Variants in PKN2 observed in about 807,000 individuals in gnomAD.
PKN2 encodes serine/threonine-protein kinase N2.
Under a neutral mutation model 119.1 loss-of-function variants are expected in PKN2, and 38 were observed. The observed-to-expected ratio is 0.32, with a 90% CI of 0.25 to 0.42. The LOEUF is 0.42. PKN2 is among the 10% of genes least tolerant of loss of function. PKN2 has a pLI of 1.00. For synonymous variants in PKN2, 390 were observed against 384.9 expected, an observed-to-expected ratio of 1.01 and a Z score of -0.15; for missense variants, 850 against 1,165.1, an observed-to-expected ratio of 0.73 and a Z score of 3.94.
At chr1:88,748,329 G>T (rs371197111) in intron 2 of PKN2, among the ~76,000 whole-genome samples, 2 of 152,090 alleles carry the variant, frequency 1.3e-5, no homozygotes, top group Non-Finnish European at 2.9e-5. Context: ...AGAATGCCAT[G>T]TACATAGAAT....
chr1:88,737,277 A>G (rs185331355), intron 1 of PKN2, among the ~76,000 whole-genome samples: 15 of 152,218 alleles, frequency 9.9e-5, no homozygotes, highest in Middle Eastern at 3.4e-3. Flanking sequence ...CCCTGAGTCT[A>G]TTCCACTGAG....
intron 1 of PKN2, among the ~76,000 whole-genome samples, chr1:88,717,837 T>G (rs920945916): frequency 1.3e-5 from 2 of 152,114 alleles, no homozygotes; most frequent in African/African-American, 4.8e-5. Flanking sequence ...TGTTCTCTTG[T>G]TGGCAAGGAG....
chr1:88,733,113 C>A (rs548888813), intron 1 of PKN2, among the ~76,000 whole-genome samples: 4 of 152,262 alleles, frequency 2.6e-5, no homozygotes, highest in Admixed American at 2.6e-4. Flanking sequence ...AGGTTGATTC[C>A]ATATCTTGGC....
intron 1 of PKN2, among the ~76,000 whole-genome samples, chr1:88,692,155 A>G (rs988981554): frequency 2.0e-5 from 3 of 152,086 alleles, no homozygotes; most frequent in Admixed American, 6.6e-5. Flanking sequence ...ATTTATCCAC[A>G]TTTTTGCATG....
At chr1:88,698,963 T>A (rs996958780) in intron 1 of PKN2, among the ~76,000 whole-genome samples, 5 of 152,258 alleles carry the variant, frequency 3.3e-5, no homozygotes, top group Non-Finnish European at 7.3e-5. Flanking sequence ...TGCACAAAAA[T>A]GAGAGTTTCA....
intron 12 of PKN2, among the ~76,000 whole-genome samples, chr1:88,806,637 T>C (rs1041501986): frequency 2.0e-5 from 3 of 152,216 alleles, no homozygotes; most frequent in African/African-American, 7.2e-5. Context: ...GTGTGGTTGA[T>C]ACTACATGAC....
chr1:88,708,199 T>C (rs1165221654), intron 1 of PKN2, among the ~76,000 whole-genome samples: 3 of 151,970 alleles, frequency 2.0e-5, no homozygotes, highest in Non-Finnish European at 1.5e-5. Flanking sequence ...TCGAATATGG[T>C]TTTGCAGTTG....
chr1:88,731,558 C>CT (rs948829895), intron 1 of PKN2, among the ~76,000 whole-genome samples: 1 of 152,166 alleles, frequency 6.6e-6, no homozygotes, highest in African/African-American at 2.4e-5. Context: ...TGCTTAGCTG[C>CT]TTTAAGCATG....
At chr1:88,829,030 C>G (rs138799277) in intron 19 of PKN2, 1 of 644,758 alleles carries the variant, frequency 1.6e-6, no homozygotes, top group East Asian at 3.1e-5. Context: ...GAGCAACACA[C>G]TCTGCATCCT....
chr1:88,751,885 G>T (rs1350821898), intron 2 of PKN2, among the ~76,000 whole-genome samples: 1 of 152,094 alleles, frequency 6.6e-6, no homozygotes, highest in African/African-American at 2.4e-5. Flanking sequence ...GTTATTTCGT[G>T]GTTGTCTGGA....
Position 88,833,369 on chromosome 1 carries a change from C to T in PKN2, c.2876C>T (p.Pro959Leu), listed in dbSNP as rs760435988. The T allele has an allele frequency of 6.2e-7, 1 of 1,613,414 alleles. No individual in the cohort carries two copies. The highest frequency in any genetic ancestry group is 1.1e-5 in the South Asian group (1 of 91,054). ...EFTSEAPILT[P>L]PREPRILSEE... Reference sequence around the variant, plus strand: ...ACCTCAGAAGCACCTATTCTGACTCCACCTCGAGAACCAAGGATACTTTCG... The same window carrying T: ...ACCTCAGAAGCACCTATTCTGACTCTACCTCGAGAACCAAGGATACTTTCG... Residue 959 changes from proline (P) to leucine (L), a missense_variant, in exon 22 of 22, where the codon CCA becomes CTA. By Grantham distance (98) the Pro-to-Leu change is moderately conservative (BLOSUM62 -3). Coordinates refer to ENST00000370521, the MANE Select transcript of PKN2 (RefSeq NM_006256.4).
At chr1:88,767,514 T>C (rs1669708965) in intron 3 of PKN2, among the ~76,000 whole-genome samples, 2 of 152,272 alleles carry the variant, frequency 1.3e-5, no homozygotes, top group Non-Finnish European at 2.9e-5. Flanking sequence ...CAAACCTAGA[T>C]GGTACTAGGC....
At chr1:88,720,081 G>A (rs898519300) in intron 1 of PKN2, among the ~76,000 whole-genome samples, 2 of 152,036 alleles carry the variant, frequency 1.3e-5, no homozygotes, top group Admixed American at 6.6e-5. Context: ...TGCTCAGGGT[G>A]GAGTGCAGTG....
intron 1 of PKN2, among the ~76,000 whole-genome samples, chr1:88,719,515 TAAAAAC>T (rs1264957160): frequency 6.6e-6 from 1 of 152,206 alleles, no homozygotes; most frequent in Non-Finnish European, 1.5e-5. Context: ...GTTGTATACT[TAAAAAC>T]AACAAAGACA....
At chr1:88,776,574 T>C (rs890921547) in intron 6 of PKN2, among the ~76,000 whole-genome samples, 8 of 151,872 alleles carry the variant, frequency 5.3e-5, no homozygotes, top group African/African-American at 1.9e-4. Flanking sequence ...ACCCCATCTA[T>C]ACTAAGAATA....
At chr1:88,778,121 A>G (rs75771458) in intron 6 of PKN2, among the ~76,000 whole-genome samples, 50 of 152,334 alleles carry the variant, frequency 3.3e-4, no homozygotes, top group African/African-American at 1.1e-3. Flanking sequence ...TACCTTTTAC[A>G]TGTATTGATA....
In PKN2 at chr1:88,833,535, G is replaced by T; in HGVS notation, c.*87G>T. 1 of 969,262 alleles carries T rather than the reference G, an allele frequency of 1.0e-6. No individual in the cohort carries two copies. Among genetic ancestry groups the T allele is most frequent in the Non-Finnish European group, 1.6e-6 (1 of 628,788 alleles). The allele number at this position is 969,262 out of a possible 1,614,324, so 60.0% of individuals were successfully genotyped here. ...TCATTTGCTCTCTGTGCCACCAATA[G>T]CTTCTGAGTTTTTTGTTGTTGTTGT... On this transcript the variant is annotated 3_prime_UTR_variant, in exon 22 of 22. Transcript: ENST00000370521.
intron 1 of PKN2, among the ~76,000 whole-genome samples, chr1:88,735,616 C>G (rs943153925): frequency 1.3e-5 from 1 of 79,504 alleles, no homozygotes; most frequent in South Asian, 6.0e-4. Flanking sequence ...CCCCCCCCCC[C>G]ACCCCCAATC....
chr1:88,746,908 A>G (rs1015777446), intron 2 of PKN2, among the ~76,000 whole-genome samples: 2 of 152,194 alleles, frequency 1.3e-5, no homozygotes, highest in Non-Finnish European at 2.9e-5. Context: ...ACACAGTGCA[A>G]TACTATTCAG....
Sources: gnomAD v4.1 joint callset for allele counts (sites outside exome capture counted in the v4.1 genomes callset) on GRCh38, gnomAD v4.1.1 for gene constraint, MANE v1.5 for transcripts, NCBI Gene and HGNC (gene_info 2026-07-23, HGNC 2026-07-21) for gene names.